The following SCN11A variants were observed in gnomAD, a reference collection of about 807,000 sequenced individuals.
SCN11A encodes sodium voltage-gated channel alpha subunit 11.
In SCN11A, 122 loss-of-function variants were observed where a neutral mutation model predicts 162.2. The observed-to-expected ratio is 0.75, with a 90% CI of 0.65 to 0.87. The LOEUF is 0.87. Ranked by LOEUF, SCN11A falls within the 40% of genes least tolerant of loss-of-function variation. SCN11A has a pLI of 0.00. For missense variants in SCN11A, 2,015 were observed against 2,181.6 expected (o/e 0.92, Z 1.52); for synonymous variants, 758 against 751.5 (o/e 1.01, Z -0.14).
chr3:39,025,131 T>C (rs2031555517), intron 2 of SCN11A, among the ~76,000 whole-genome samples: 1 of 152,118 alleles, frequency 6.6e-6, no homozygotes, highest in Non-Finnish European at 1.5e-5. Context: ...AGAGCCCCCC[T>C]TAACCCCTGG....
rs1258826791 is a variant in SCN11A, at chr3:38,861,986, T to C, written c.4056+1209A>G. ...GGTGGGAGAAAATATTCACAAACTA[T>C]GCATCTGACAAAAGACTAATTTTCA... On this transcript the variant is annotated intron_variant, in intron 28 of 29. Coordinates refer to ENST00000302328, the MANE Select transcript of SCN11A (RefSeq NM_001349253.2). 2.0e-5 allele frequency among the ~76,000 whole-genome samples: 3 copies of C among 152,076 alleles called. No homozygotes were observed. In the South Asian group the frequency reaches 6.2e-4, roughly 32 times the overall value.
intron 2 of SCN11A, among the ~76,000 whole-genome samples, chr3:38,999,321 T>C (rs1181517610): frequency 6.6e-6 from 1 of 152,200 alleles, no homozygotes; most frequent in African/African-American, 2.4e-5. Flanking sequence ...TTTGGTGTGC[T>C]TTTTTTCTAA....
intron 9 of SCN11A, among the ~76,000 whole-genome samples, chr3:38,924,806 GC>G (rs1235617351): frequency 2.6e-5 from 4 of 151,712 alleles, no homozygotes; most frequent in Admixed American, 6.6e-5. Context: ...ACTGTACCCG[GC>G]CCCCCCTTCA....
At chr3:38,863,942 G>T (rs1052177533) in intron 27 of SCN11A, among the ~76,000 whole-genome samples, 18 of 152,070 alleles carry the variant, frequency 1.2e-4, no homozygotes, top group African/African-American at 4.3e-4. Context: ...AAAATTGAGA[G>T]ATCAAAAAGA....
chr3:39,039,940 C>T (rs1304381448), intron 1 of SCN11A, among the ~76,000 whole-genome samples: 1 of 152,216 alleles, frequency 6.6e-6, no homozygotes, highest in Non-Finnish European at 1.5e-5. Flanking sequence ...TGTACATGTC[C>T]GCCAAGGGCT....
chr3:38,974,694 C>CAAAAAAAAAAAAAA (rs773028321), intron 2 of SCN11A, among the ~76,000 whole-genome samples: 4 of 48,136 alleles, frequency 8.3e-5, no homozygotes, highest in African/African-American at 2.5e-4. Context: ...GACTCCGTCT[C>CAAAAAAAAAAAAAA]AAAAAAAAAA....
At chr3:38,848,426 C>A (rs114075432) in intron 29 of SCN11A, among the ~76,000 whole-genome samples, 153 of 152,096 alleles carry the variant, frequency 1.0e-3, no homozygotes, top group African/African-American at 3.6e-3. Context: ...GTGCCCATGA[C>A]CCCTAATGAC....
chr3:38,895,773 T>C (rs2065586934), intron 18 of SCN11A, among the ~76,000 whole-genome samples: 1 of 152,068 alleles, frequency 6.6e-6, no homozygotes, highest in Non-Finnish European at 1.5e-5. Context: ...ACCATATAAG[T>C]GGTCTTCTCA....
At position 38,936,981 on chromosome 3, in the gene SCN11A, G is replaced by A. The variant is rs542752074; in HGVS notation, c.488+8430C>T. Among the ~76,000 whole-genome samples, 62 of 152,004 alleles carry A rather than the reference G, an allele frequency of 4.1e-4. No individual in the cohort carries two copies. The East Asian group carries it at 0.011, about 28-fold the overall frequency. ...ACCTGACTTCAAACTATACTACAAGGCTACAGTAACCAAAACAGCATGGTA... is the reference window on the plus strand; with the variant it reads ...ACCTGACTTCAAACTATACTACAAGACTACAGTAACCAAAACAGCATGGTA... On this transcript the variant is annotated intron_variant, in intron 7 of 29. Coordinates refer to ENST00000302328, the MANE Select transcript of SCN11A (RefSeq NM_001349253.2).
intron 18 of SCN11A, among the ~76,000 whole-genome samples, chr3:38,896,318 G>A (rs899195353): frequency 8.5e-5 from 13 of 152,102 alleles, no homozygotes; most frequent in South Asian, 2.1e-4. Context: ...CTCTCAATTC[G>A]TGCAAACAGG....
chr3:39,024,106 C>A (rs1000705439), intron 2 of SCN11A, among the ~76,000 whole-genome samples: 3 of 152,218 alleles, frequency 2.0e-5, no homozygotes, highest in Non-Finnish European at 4.4e-5. Flanking sequence ...TAACAAAAGA[C>A]AGGTTAACAA....
intron 5 of SCN11A, among the ~76,000 whole-genome samples, chr3:38,949,198 T>C (rs1010707131): frequency 2.6e-5 from 4 of 152,104 alleles, no homozygotes; most frequent in Non-Finnish European, 5.9e-5. Context: ...CAAGGTGGGG[T>C]TTCCAACCTC....
chr3:38,911,660 A>T (rs1005659278), intron 11 of SCN11A, among the ~76,000 whole-genome samples: 2 of 152,046 alleles, frequency 1.3e-5, no homozygotes, highest in African/African-American at 4.8e-5. Context: ...TTGAATTGAC[A>T]TTTACTCTCA....
intron 23 of SCN11A, among the ~76,000 whole-genome samples, chr3:38,879,113 A>G (rs1399738533): frequency 6.6e-6 from 1 of 152,166 alleles, no homozygotes; most frequent in Admixed American, 6.6e-5. Context: ...CTTTGGAGTG[A>G]GGCTTACGAG....
intron 28 of SCN11A, among the ~76,000 whole-genome samples, chr3:38,851,451 T>C (rs2064777342): frequency 6.6e-6 from 1 of 152,212 alleles, no homozygotes; most frequent in Non-Finnish European, 1.5e-5. Flanking sequence ...AAAGTGAGTA[T>C]ATGCTGATTG....
chr3:38,987,346 T>C (rs1256698118), intron 2 of SCN11A, among the ~76,000 whole-genome samples: 4 of 135,922 alleles, frequency 2.9e-5, no homozygotes, highest in South Asian at 2.4e-4. Context: ...CACACACCTG[T>C]CCTGTCCTTT....
intron 28 of SCN11A, among the ~76,000 whole-genome samples, chr3:38,854,397 T>C (rs1312888227): frequency 6.6e-6 from 1 of 152,178 alleles, no homozygotes; most frequent in Non-Finnish European, 1.5e-5. Context: ...AACCTCACAC[T>C]AATAAAAACT....
chr3:38,972,245 CT>C (rs2066821075), intron 2 of SCN11A, among the ~76,000 whole-genome samples: 1 of 152,128 alleles, frequency 6.6e-6, no homozygotes, highest in African/African-American at 2.4e-5. Flanking sequence ...CCCTTACAGT[CT>C]CAGATTTTTC....
At chr3:38,848,521 A>C (rs1302572304) in intron 29 of SCN11A, among the ~76,000 whole-genome samples, 1 of 152,138 alleles carries the variant, frequency 6.6e-6, no homozygotes, top group Admixed American at 6.5e-5. Context: ...ACTAAAGAGA[A>C]CTAGTTGATT....
Sources: gnomAD v4.1 joint callset for allele counts (sites outside exome capture counted in the v4.1 genomes callset) on GRCh38, gnomAD v4.1.1 for gene constraint, MANE v1.5 for transcripts, NCBI Gene and HGNC (gene_info 2026-07-23, HGNC 2026-07-21) for gene names.